NSUN6: variants seen among roughly 807,000 people sequenced by gnomAD.
The protein encoded by NSUN6 is NOP2/Sun RNA methyltransferase 6.
NSUN6 carries 64 observed loss-of-function variants against 58.0 expected under a neutral mutation model. The observed-to-expected ratio is 1.10, with a 90% CI of 0.90 to 1.36. The LOEUF (loss-of-function observed/expected upper bound fraction) is 1.36, where lower values mean the gene tolerates loss of function less well. Among genes scored for constraint, NSUN6 ranks in the 40% most tolerant of loss-of-function variants. The probability of loss-of-function intolerance (pLI) is 0.00; values close to 1 mark genes in which losing one functional copy is unlikely to be tolerated. For missense variants in NSUN6, 701 were observed against 550.1 expected (o/e 1.27, Z -2.74); for synonymous variants, 231 against 193.9 (o/e 1.19, Z -1.59).
In NSUN6 at chr10:18,614,365, T is replaced by C. The variant is rs535649313; in HGVS notation, c.575+95A>G. On this transcript the variant is annotated intron_variant, in intron 5 of 10. Coordinates refer to ENST00000377304, the MANE Select transcript of NSUN6 (RefSeq NM_182543.5). ...TTGGATTTATACCAAAAAAAAAAAT[T>C]TCATATAATGCAACTAGATACATTT... 116 of 700,850 alleles carry C rather than the reference T, an allele frequency of 1.7e-4. 5 individuals carry two copies. In the South Asian group the frequency reaches 2.1e-3, roughly 13 times the overall value. 43.4% of individuals were successfully genotyped at this position (700,850 alleles called of 1,614,324 possible).
chr10:18,546,567 T>C (rs907635148), intron 10 of NSUN6, among the ~76,000 whole-genome samples: 2 of 152,022 alleles, frequency 1.3e-5, no homozygotes, highest in African/African-American at 4.8e-5. Context: ...ACTCAGTAAA[T>C]GGAACATTAT....
chr10:18,552,621 A>G (rs2054676629), intron 8 of NSUN6, among the ~76,000 whole-genome samples: 1 of 150,912 alleles, frequency 6.6e-6, no homozygotes, highest in Non-Finnish European at 1.5e-5. Flanking sequence ...TCCATTCCGC[A>G]TTCCATTTCA....
At chr10:18,577,378 T>G (rs948829161) in intron 8 of NSUN6, among the ~76,000 whole-genome samples, 1 of 152,138 alleles carries the variant, frequency 6.6e-6, no homozygotes, top group African/African-American at 2.4e-5. Flanking sequence ...GAAAAGTGGT[T>G]CGGTAAATGG....
At position 18,616,237 on chromosome 10, in the gene NSUN6, G is replaced by C; in HGVS notation, c.368C>G (p.Ala123Gly). Reference sequence around the variant, plus strand: ...ATAGACATGGGCTCCTCTTAAAACTGCATTGCCACACTGGGCTCCAACAAT... The same window carrying C: ...ATAGACATGGGCTCCTCTTAAAACTCCATTGCCACACTGGGCTCCAACAAT... ...EAIVGAQCGN[A>G]VLRGAHVYAP... is the part of the protein sequence containing the mutation. The change falls in exon 4 of 11, where the codon GCA (alanine) becomes GGA (glycine). Residue 123 changes from alanine (A) to glycine (G), a missense_variant. Transcript: ENST00000377304. 1 of 1,610,816 alleles carries C rather than the reference G, an allele frequency of 6.2e-7. No individual in the cohort carries two copies. Among genetic ancestry groups the C allele is most frequent in the Non-Finnish European group, 8.5e-7 (1 of 1,177,062 alleles).
chr10:18,561,337 A>G lies in NSUN6; in HGVS notation c.923-9366T>C, dbSNP rs1319433389. ...AATGGAATGGAGAATGGAATAGAAT[A>G]TGGAATAGAATGGAGAACGGAATGG... On this transcript the variant is annotated intron_variant, in intron 8 of 10. Coordinates refer to ENST00000377304, the MANE Select transcript of NSUN6 (RefSeq NM_182543.5). Among the ~76,000 whole-genome samples, 2 of 72,170 alleles carry G rather than the reference A, an allele frequency of 2.8e-5. 1 individual carries two copies. The highest frequency in any genetic ancestry group is 3.2e-4 in the Admixed American group (2 of 6,256). 47.3% of individuals were successfully genotyped at this position (72,170 alleles called of 152,430 possible).
At chr10:18,638,429 G>A (rs918875439) in intron 3 of NSUN6, among the ~76,000 whole-genome samples, 1 of 152,098 alleles carries the variant, frequency 6.6e-6, no homozygotes. Flanking sequence ...GCAACAGAGT[G>A]AGCCTCCATC....
At chr10:18,611,824 G>C (rs1440602180) in intron 5 of NSUN6, among the ~76,000 whole-genome samples, 1 of 151,998 alleles carries the variant, frequency 6.6e-6, no homozygotes, top group Non-Finnish European at 1.5e-5. Context: ...TCCTGCCTTA[G>C]CTTCCGGAGT....
intron 6 of NSUN6, among the ~76,000 whole-genome samples, chr10:18,602,276 C>T (rs996668278): frequency 6.7e-6 from 1 of 149,218 alleles, no homozygotes; most frequent in African/African-American, 2.5e-5. Flanking sequence ...CGGAGTCTTG[C>T]TCTGTTGCCC....
intron 3 of NSUN6, among the ~76,000 whole-genome samples, chr10:18,632,207 G>C (rs915687552): frequency 8.5e-5 from 13 of 152,128 alleles, no homozygotes; most frequent in East Asian, 7.7e-4. Context: ...GCCATATGTA[G>C]AAAGCTGAAA....
chr10:18,601,646 TC>T (rs1440363653), intron 6 of NSUN6, among the ~76,000 whole-genome samples: 1 of 152,162 alleles, frequency 6.6e-6, no homozygotes, highest in East Asian at 1.9e-4. Context: ...AACACTTTAT[TC>T]CCCAAACCAG....
At chr10:18,646,167 C>T (rs920859415) in intron 2 of NSUN6, among the ~76,000 whole-genome samples, 2 of 152,056 alleles carry the variant, frequency 1.3e-5, no homozygotes, top group Non-Finnish European at 2.9e-5. Context: ...TGCACTCCAG[C>T]CTGAGCAACA....
At chr10:18,640,134 T>C (rs753437153) in intron 3 of NSUN6, among the ~76,000 whole-genome samples, 8 of 152,264 alleles carry the variant, frequency 5.3e-5, no homozygotes, top group Non-Finnish European at 7.3e-5. Context: ...ATATCCATTA[T>C]ACATTTTTAA....
chr10:18,551,356 A>G (rs148243290), intron 9 of NSUN6, among the ~76,000 whole-genome samples: 5 of 151,704 alleles, frequency 3.3e-5, no homozygotes, highest in Admixed American at 2.0e-4. Context: ...GACATTCAGT[A>G]CAGTCACATT....
chr10:18,594,580 C>A (rs2057510496), intron 7 of NSUN6, among the ~76,000 whole-genome samples: 2 of 152,138 alleles, frequency 1.3e-5, no homozygotes, highest in East Asian at 3.9e-4. Flanking sequence ...TCCCAAGTAG[C>A]TGGGACTACA....
At chr10:18,611,777 C>T (rs1343694844) in intron 5 of NSUN6, among the ~76,000 whole-genome samples, 1 of 151,868 alleles carries the variant, frequency 6.6e-6, no homozygotes, top group Admixed American at 6.6e-5. Context: ...CACTATGTTG[C>T]CCAGACTGGC....
At chr10:18,587,774 T>C (rs558969903) in intron 7 of NSUN6, among the ~76,000 whole-genome samples, 1 of 152,164 alleles carries the variant, frequency 6.6e-6, no homozygotes, top group Non-Finnish European at 1.5e-5. Flanking sequence ...CCCATGGTTT[T>C]TGCAATCCAC....
At chr10:18,567,190 C>G (rs1338346637) in intron 8 of NSUN6, among the ~76,000 whole-genome samples, 1 of 150,924 alleles carries the variant, frequency 6.6e-6, no homozygotes, top group African/African-American at 2.4e-5. Flanking sequence ...ATTCTCCCTT[C>G]CAGCCTATTC....
chr10:18,574,320 C>G (rs1156587976), intron 8 of NSUN6, among the ~76,000 whole-genome samples: 2 of 152,150 alleles, frequency 1.3e-5, no homozygotes, highest in African/African-American at 2.4e-5. Context: ...AGATGGCTTA[C>G]TGACTCGAGA....
intron 2 of NSUN6, among the ~76,000 whole-genome samples, chr10:18,644,741 G>A (rs1287539879): frequency 1.3e-5 from 2 of 151,840 alleles, no homozygotes; most frequent in East Asian, 3.9e-4. Context: ...TCGGGAGGCT[G>A]AGGCAGGAGA....
Sources: gnomAD v4.1 joint callset for allele counts (sites outside exome capture counted in the v4.1 genomes callset) on GRCh38, gnomAD v4.1.1 for gene constraint, MANE v1.5 for transcripts, NCBI Gene and HGNC (gene_info 2026-07-23, HGNC 2026-07-21) for gene names.